SSH1: variants seen among roughly 807,000 people sequenced by gnomAD.
The protein encoded by SSH1 is protein phosphatase Slingshot homolog 1.
In SSH1, 43 loss-of-function variants were observed where a neutral mutation model predicts 79.7. The ratio of observed to expected loss-of-function variants is 0.54; its 90% confidence interval spans 0.42 to 0.70. The LOEUF is 0.70. SSH1 is among the 30% of genes least tolerant of loss of function. The pLI is 0.00. For synonymous variants in SSH1, 599 were observed against 538.3 expected (o/e 1.11, Z -1.56); for missense variants, 1,206 against 1,358.8 (o/e 0.89, Z 1.77).
rs1222567948 is a variant in SSH1, at chr12:108,783,255, T to C, written c.*4733A>G. On this transcript the variant is annotated 3_prime_UTR_variant, in exon 15 of 15. Transcript: ENST00000326495. ...CCAGTGTTGTTTCTAGCAAGGCTCC[T>C]TGGAATAGATGTGAACACACAATGT... 1 of 152,272 alleles carries C rather than the reference T, an allele frequency of 6.6e-6. No individual in the cohort carries two copies. The highest frequency in any genetic ancestry group is 1.5e-5 in the Non-Finnish European group (1 of 68,082). 9.4% of individuals were successfully genotyped at this position (152,272 alleles called of 1,614,324 possible).
At chr12:108,816,988 G>A (rs762644782) in intron 5 of SSH1, 50 bp downstream of exon 5, 1 of 1,610,828 alleles carries the variant, frequency 6.2e-7, no homozygotes. Context: ...TTGTCCAGCA[G>A]CAACTCTTGC....
chr12:108,823,571 T>C (rs2038206736), intron 2 of SSH1, among the ~76,000 whole-genome samples: 1 of 152,234 alleles, frequency 6.6e-6, no homozygotes. Flanking sequence ...CGTGACAAAA[T>C]AATGCTTCTG....
intron 2 of SSH1, among the ~76,000 whole-genome samples, chr12:108,841,296 G>T (rs1442164585): frequency 6.6e-6 from 1 of 152,236 alleles, no homozygotes; most frequent in Admixed American, 6.5e-5. Flanking sequence ...GCACGCTCAC[G>T]CAATGTGCTA....
intron 2 of SSH1, among the ~76,000 whole-genome samples, chr12:108,825,726 G>T (rs534692630): frequency 6.1e-4 from 93 of 152,298 alleles, no homozygotes; most frequent in African/African-American, 2.2e-3. Context: ...AGGAGCTCAG[G>T]ATTATAAATA....
At chr12:108,824,246 C>A (rs1294288690) in intron 2 of SSH1, among the ~76,000 whole-genome samples, 2 of 152,096 alleles carry the variant, frequency 1.3e-5, no homozygotes. Context: ...GAGTTCGAGA[C>A]CAGTCTGGCC....
In SSH1 at chr12:108,807,777, T is replaced by G. The variant is rs150708392; in HGVS notation, c.587A>C (p.Asn196Thr). 1 of 1,613,904 alleles carries G rather than the reference T, an allele frequency of 6.2e-7. No individual in the cohort carries two copies. The highest frequency in any genetic ancestry group is 8.5e-7 in the Non-Finnish European group (1 of 1,179,908). Residue 196 changes from asparagine to threonine, a missense_variant, in exon 8 of 15, where the codon AAC (asparagine) becomes ACC (threonine). By Grantham distance (65) the Asn-to-Thr change is moderately conservative. Around this residue, in one of 5 missense-constraint regions of SSH1, gnomAD observed 116 missense variants for 109.0 expected, o/e 1.06. Transcript: ENST00000326495. This position sits in a 1 kb window ranked among gnomAD's most constrained non-coding sequence, Gnocchi z 5.2. Reference sequence around the variant, plus strand: ...GAGAGCTACACCCCCGGGGAAGTAGTTGTGCCTCCGGGCCACTTCGCAGGC... The same window carrying G: ...GAGAGCTACACCCCCGGGGAAGTAGGTGTGCCTCCGGGCCACTTCGCAGGC... Reference protein sequence around the residue: ...HKACEVARRHNYFPGGVALIW... With the variant: ...HKACEVARRHTYFPGGVALIW...
intron 13 of SSH1, 70 bp from the exon 14 acceptor site, chr12:108,792,899 C>G (rs534638930): frequency 1.3e-6 from 2 of 1,594,234 alleles, no homozygotes; most frequent in Non-Finnish European, 1.7e-6. Flanking sequence ...GAAGAGTATG[C>G]GGTGAGCCAG....
intron 3 of SSH1, among the ~76,000 whole-genome samples, chr12:108,820,253 G>C (rs1456304338): frequency 6.6e-6 from 1 of 152,102 alleles, no homozygotes; most frequent in Non-Finnish European, 1.5e-5. Context: ...GTCCTCTCCA[G>C]TTATACAATT....
Position 108,800,836 on chromosome 12 carries a change from C to G in SSH1, c.1092G>C (p.Glu364Asp). 6.2e-7 allele frequency: 1 copy of G among 1,614,118 alleles called. No homozygotes were observed. The highest frequency in any genetic ancestry group is 8.5e-7 in the Non-Finnish European group (1 of 1,180,006). The change falls in exon 12 of 15, where the codon GAG (glutamate) becomes GAC (aspartate). Residue 364 changes from glutamate (E) to aspartate (D), a missense_variant. This residue lies in a region of SSH1 where 166 missense variants were observed against 262.9 expected (regional missense o/e 0.63). Coordinates refer to ENST00000326495, the MANE Select transcript of SSH1 (RefSeq NM_018984.4). ...TCCAGTGGGCGAGGAGGTCTGTGGT[C>G]TCTTCATCGTAGACTCGGATGTTAT... Reference protein sequence around the residue: ...AYHNIRVYDEETTDLLAHWNE... With the variant: ...AYHNIRVYDEDTTDLLAHWNE...
intron 1 of SSH1, among the ~76,000 whole-genome samples, chr12:108,856,464 T>C (rs1171935924): frequency 6.6e-6 from 1 of 152,188 alleles, no homozygotes; most frequent in East Asian, 1.9e-4. Flanking sequence ...AATGCACCTA[T>C]GCAATCACCC....
At chr12:108,838,063 C>A (rs1405502832) in intron 2 of SSH1, among the ~76,000 whole-genome samples, 1 of 152,186 alleles carries the variant, frequency 6.6e-6, no homozygotes, top group African/African-American at 2.4e-5. Flanking sequence ...GGATCATAGG[C>A]ATGAGCCACC....
intron 3 of SSH1, among the ~76,000 whole-genome samples, chr12:108,819,993 A>G (rs925795149): frequency 6.6e-6 from 1 of 152,136 alleles, no homozygotes; most frequent in Non-Finnish European, 1.5e-5. Flanking sequence ...GGTCATTAGA[A>G]ATTTGTGCCT....
In SSH1 at chr12:108,857,448, A is replaced by G; in HGVS notation, c.49T>C (p.Ser17Pro). 9.0e-7 allele frequency: 1 copy of G among 1,114,528 alleles called. No individual in the cohort carries two copies. Among genetic ancestry groups the G allele is most frequent in the Non-Finnish European group, 1.1e-6 (1 of 896,538 alleles). 69.0% of individuals were successfully genotyped at this position (1,114,528 alleles called of 1,614,324 possible). Residue 17 changes from serine (S) to proline (P), a missense_variant, in exon 1 of 15, where the codon TCC becomes CCC. This residue lies in a region of SSH1 where 100 missense variants were observed against 82.3 expected (regional missense o/e 1.21). Transcript: ENST00000326495. The surrounding 1 kb of genome is among the most constrained non-coding windows in gnomAD (Gnocchi z 4.7). ...QRSPTPSAAS[S>P]SASNSELEAG... Reference sequence around the variant, plus strand: ...CTCACCTCGCTGTTGCTGGCCGAGGAGGAGGCGGCGCTGGGCGTGGGCGAG... The same window carrying G: ...CTCACCTCGCTGTTGCTGGCCGAGGGGGAGGCGGCGCTGGGCGTGGGCGAG...
At chr12:108,821,218 C>CAT (rs3046816) in intron 3 of SSH1, among the ~76,000 whole-genome samples, 3 of 28,090 alleles carry the variant, frequency 1.1e-4, no homozygotes, top group African/African-American at 4.5e-4. Flanking sequence ...ACCTCATCTA[C>CAT]ACACACACAC....
chr12:108,828,453 T>C (rs1244772751), intron 2 of SSH1, among the ~76,000 whole-genome samples: 1 of 152,252 alleles, frequency 6.6e-6, no homozygotes, highest in Non-Finnish European at 1.5e-5. Context: ...GCCATTATGC[T>C]GCGGTCACAT....
At chr12:108,829,319 A>G (rs1477780261) in intron 2 of SSH1, among the ~76,000 whole-genome samples, 1 of 152,174 alleles carries the variant, frequency 6.6e-6, no homozygotes, top group African/African-American at 2.4e-5. Flanking sequence ...AAAGTGAGAC[A>G]CTGTCTTGGG....
Position 108,792,340 on chromosome 12 carries a change from G to C in SSH1, c.1839C>G (p.Leu613=), listed in dbSNP as rs751615702. Residue 613 remains leucine, a synonymous_variant, in exon 14 of 15, where the codon CTC becomes CTG. Coordinates refer to ENST00000326495, the MANE Select transcript of SSH1 (RefSeq NM_018984.4). ...QLPTQLDQNL[L]NSENLNNNSK... is the part of the protein sequence containing the mutation. ...TGTTGTTGTTTAGGTTCTCCGAGTTGAGCAGGTTTTGATCGAGCTGGGTTG... is the reference window on the plus strand; with the variant it reads ...TGTTGTTGTTTAGGTTCTCCGAGTTCAGCAGGTTTTGATCGAGCTGGGTTG... The C allele has an allele frequency of 1.2e-6, 2 of 1,614,168 alleles. No homozygotes were observed. The highest frequency in any genetic ancestry group is 1.7e-5 in the Admixed American group (1 of 60,022).
At chr12:108,799,776 GCC>G (rs2036909738) in intron 12 of SSH1, among the ~76,000 whole-genome samples, 1 of 152,232 alleles carries the variant, frequency 6.6e-6, no homozygotes, top group Non-Finnish European at 1.5e-5. Context: ...GATGGGGCTG[GCC>G]GTTTATTTGT....
chr12:108,779,701 G>A lies in SSH1; in HGVS notation c.*8287C>T, dbSNP rs2036128854. ...TCTTTTTTTTGTTTTTTGAGACAGA[G>A]TCTCACTCTGTCACCCAGGCTGGAG... On this transcript the variant is annotated 3_prime_UTR_variant, in exon 15 of 15. Coordinates refer to ENST00000326495, the MANE Select transcript of SSH1 (RefSeq NM_018984.4). The A allele has an allele frequency of 6.6e-6, 1 of 151,738 alleles. No homozygotes were observed. The highest frequency in any genetic ancestry group is 1.5e-5 in the Non-Finnish European group (1 of 67,996). 9.4% of individuals were successfully genotyped at this position (151,738 alleles called of 1,614,324 possible). A position where few individuals can be genotyped will look rare whatever the true frequency, so the allele number is the denominator to read the frequency against.
Sources: allele counts gnomAD v4.1 joint callset (sites outside exome capture counted in the v4.1 genomes callset), GRCh38; gene constraint gnomAD v4.1.1; regional missense constraint gnomAD v4.1.1; non-coding constraint Gnocchi (gnomAD v3.1); transcripts MANE v1.5; gene names NCBI Gene and HGNC (gene_info 2026-07-23, HGNC 2026-07-21).